MAS1: variants seen among roughly 807,000 people sequenced by gnomAD.
MAS1 encodes proto-oncogene Mas.
For synonymous variants in MAS1, 163 were observed against 164.2 expected, an observed-to-expected ratio of 0.99 and a Z score of 0.05; for missense variants, 387 against 409.7, an observed-to-expected ratio of 0.94 and a Z score of 0.48.
chr6:159,893,916 T>C (rs1359263468), intron 1 of MAS1, among the ~76,000 whole-genome samples: 1 of 152,084 alleles, frequency 6.6e-6, no homozygotes, highest in Non-Finnish European at 1.5e-5. Flanking sequence ...TACAAGATTA[T>C]GGTAAAGTGT....
Position 159,913,464 on chromosome 6 carries a change from T to C in MAS1, c.*5531T>C, listed in dbSNP as rs1782987474. On this transcript the variant is annotated 3_prime_UTR_variant, in exon 3 of 3. Coordinates refer to ENST00000674077, the MANE Select transcript of MAS1 (RefSeq NM_002377.4). ...CTCCATGGGTTGATTGAGTTCAGTT[T>C]CTCATTTGGCGTCTCTTGTAGTTGT... The C allele has an allele frequency of 6.6e-6, 1 of 152,216 alleles. No homozygotes were observed. The highest frequency in any genetic ancestry group is 1.5e-5 in the Non-Finnish European group (1 of 68,038). 9.4% of individuals were successfully genotyped at this position (152,216 alleles called of 1,614,324 possible).
chr6:159,892,222 G>A (rs939285366), intron 1 of MAS1, among the ~76,000 whole-genome samples: 6 of 152,096 alleles, frequency 3.9e-5, no homozygotes, highest in East Asian at 1.9e-4. Flanking sequence ...CATTCCCATC[G>A]GAGCCCTTGC....
chr6:159,899,878 T>C (rs1236267444), intron 2 of MAS1, among the ~76,000 whole-genome samples: 1 of 151,972 alleles, frequency 6.6e-6, no homozygotes, highest in African/African-American at 2.4e-5. Context: ...AAACCCCGTC[T>C]CTACTAAAAA....
At chr6:159,889,590 G>T (rs1303927683), upstream of MAS1, among the ~76,000 whole-genome samples, 1 of 152,094 alleles carries the variant, frequency 6.6e-6, no homozygotes, top group African/African-American at 2.4e-5. Context: ...CTTCTTTTCT[G>T]CCTTGCAGTC....
rs748140047 is a variant in MAS1, at chr6:159,907,930, C to G, written c.975C>G (p.Val325=). The change falls in exon 3 of 3, where the codon GTC becomes GTG. Residue 325 remains valine, a synonymous_variant. Coordinates refer to ENST00000674077, the MANE Select transcript of MAS1 (RefSeq NM_002377.4). ...ATACGGTCACAGTTGAGACTGTCGT[C>G]TAAGAACTGTGAGGGAAGTTGTGGA... is the stretch of plus-strand genomic sequence containing the variant. ...NCNTVTVETV[V] 1 of 1,584,622 alleles carries G rather than the reference C, an allele frequency of 6.3e-7. No homozygotes were observed.
chr6:159,898,741 T>G (rs1782791153), intron 1 of MAS1, among the ~76,000 whole-genome samples: 1 of 95,520 alleles, frequency 1.0e-5, no homozygotes, highest in Admixed American at 1.2e-4. Flanking sequence ...TTCCTCCTCC[T>G]CCTCGTTCCT....
intron 1 of MAS1, among the ~76,000 whole-genome samples, chr6:159,894,701 GA>G (rs1378751529): frequency 6.6e-6 from 1 of 152,184 alleles, no homozygotes; most frequent in Non-Finnish European, 1.5e-5. Flanking sequence ...CTGCGCTGTT[GA>G]ATGCACTGGC....
At position 159,907,655 on chromosome 6, in the gene MAS1, A is replaced by G. The variant is rs368888097; in HGVS notation, c.700A>G (p.Ile234Val). 6.2e-7 allele frequency: 1 copy of G among 1,613,886 alleles called. No homozygotes were observed. Among genetic ancestry groups the G allele is most frequent in the Non-Finnish European group, 8.5e-7 (1 of 1,179,962 alleles). Reference protein sequence around the residue: ...SKLYIVIMVTIIIFLIFAMPM... With the variant: ...SKLYIVIMVTVIIFLIFAMPM... ...GCTTTACATAGTCATCATGGTCACC[A>G]TCATTATATTCCTCATCTTCGCTAT... is the stretch of plus-strand genomic sequence containing the variant. The change falls in exon 3 of 3, where the codon ATC (isoleucine) becomes GTC (valine). Residue 234 changes from isoleucine (I) to valine (V), a missense_variant. Physicochemically the swap from Ile to Val is conservative, Grantham distance 29 (BLOSUM62 3). Transcript: ENST00000674077.
At chr6:159,901,509 G>T (rs1021673187) in intron 2 of MAS1, among the ~76,000 whole-genome samples, 3 of 152,174 alleles carry the variant, frequency 2.0e-5, no homozygotes, top group Non-Finnish European at 4.4e-5. Context: ...TGAGAGGGGA[G>T]GATTGCTTGG....
At chr6:159,900,354 T>A (rs73588517) in intron 2 of MAS1, among the ~76,000 whole-genome samples, 3,541 of 151,546 alleles carry the variant, frequency 0.023, 128 homozygotes, top group African/African-American at 0.08. Flanking sequence ...ACCGACAGAG[T>A]TGAAGAATCC....
chr6:159,894,508 A>G (rs1327916346), intron 1 of MAS1, among the ~76,000 whole-genome samples: 1 of 152,076 alleles, frequency 6.6e-6, no homozygotes, highest in African/African-American at 2.4e-5. Flanking sequence ...AGGAGAAAGA[A>G]GAAGAACTGC....
Position 159,912,425 on chromosome 6 carries a change from A to G in MAS1, c.*4492A>G, listed in dbSNP as rs895789128. ...TGTGCTTTTTCTCATGGAGAGGAGC[A>G]GCACAAGACAAGACACCCAGCTGTT... On this transcript the variant is annotated 3_prime_UTR_variant, in exon 3 of 3. Transcript: ENST00000674077. 2 of 152,244 alleles carry G rather than the reference A, an allele frequency of 1.3e-5. No homozygotes were observed. The highest frequency in any genetic ancestry group is 4.8e-5 in the African/African-American group (2 of 41,466). The allele number at this position is 152,244 out of a possible 1,614,324, so 9.4% of individuals were successfully genotyped here.
In MAS1 at chr6:159,911,887, TCCCTGGCTAAGGTGATA is replaced by T. The variant is rs71689937; in HGVS notation, c.*3966_*3982del. On this transcript the variant is annotated 3_prime_UTR_variant, in exon 3 of 3. Transcript: ENST00000674077. ...GCTCAGGGGGAACTCACTATGCCCC[TCCCTGGCTAAGGTGATA>T]CCCTGGCTAAGATGCTCCAACCCCT... 0.12 allele frequency: 18,575 copies of T among 152,268 alleles called. 1,346 individuals are homozygous for T. The highest frequency in any genetic ancestry group is 0.21 in the African/African-American group (8,665 of 41,466). The allele number at this position is 152,268 out of a possible 1,614,324, so 9.4% of individuals were successfully genotyped here. A position where few individuals can be genotyped will look rare whatever the true frequency, so the allele number is the denominator to read the frequency against.
intron 2 of MAS1, among the ~76,000 whole-genome samples, chr6:159,903,040 A>C (rs73015633): frequency 0.12 from 17,580 of 151,242 alleles, 1,149 homozygotes; most frequent in African/African-American, 0.19. Context: ...TGATAACCCC[A>C]AAACTACACT....
rs374655436 is a variant in MAS1, at chr6:159,892,284, G to GCA, written c.-244+1162_-244+1163dup. Among the ~76,000 whole-genome samples, 43 of 152,018 alleles carry GCA rather than the reference G, an allele frequency of 2.8e-4. 1 individual carries two copies. Among genetic ancestry groups the GCA allele is most frequent in the African/African-American group, 2.4e-5 (1 of 41,372 alleles). On this transcript the variant is annotated intron_variant, in intron 1 of 2. Coordinates refer to ENST00000674077, the MANE Select transcript of MAS1 (RefSeq NM_002377.4). ...TGGGTTTCTGTTTGTCCAGGTGACT[G>GCA]CACACACACACAGGGAAGAATTTGC...
Position 159,910,012 on chromosome 6 carries a change from T to C in MAS1, c.*2079T>C, listed in dbSNP as rs1233237847. ...CCCCAAACCCATTCCCAAAGTGAAC[T>C]GTAAGGTTAAAACTATAACAAGAAG... On this transcript the variant is annotated 3_prime_UTR_variant, in exon 3 of 3. Coordinates refer to ENST00000674077, the MANE Select transcript of MAS1 (RefSeq NM_002377.4). 6.6e-6 allele frequency: 1 copy of C among 152,226 alleles called. No individual in the cohort carries two copies. Among genetic ancestry groups the C allele is most frequent in the Non-Finnish European group, 1.5e-5 (1 of 68,038 alleles). The allele number at this position is 152,226 out of a possible 1,614,324, so 9.4% of individuals were successfully genotyped here.
intron 1 of MAS1, among the ~76,000 whole-genome samples, chr6:159,892,081 G>A (rs979368831): frequency 2.0e-5 from 3 of 152,104 alleles, no homozygotes; most frequent in Admixed American, 6.6e-5. Context: ...TTTTAGACCA[G>A]GGCTCTAAAT....
chr6:159,892,894 A>G (rs1465143533), intron 1 of MAS1, among the ~76,000 whole-genome samples: 1 of 152,172 alleles, frequency 6.6e-6, no homozygotes, highest in Non-Finnish European at 1.5e-5. Context: ...CAGCCTTTCA[A>G]ACTACATTAA....
At chr6:159,894,879 A>G (rs1782738503) in intron 1 of MAS1, among the ~76,000 whole-genome samples, 1 of 152,248 alleles carries the variant, frequency 6.6e-6, no homozygotes, top group African/African-American at 2.4e-5. Flanking sequence ...AAGTGAAAAC[A>G]GAGACAATAT....
Sources: gnomAD v4.1 joint callset for allele counts (sites outside exome capture counted in the v4.1 genomes callset) on GRCh38, gnomAD v4.1.1 for gene constraint, MANE v1.5 for transcripts, NCBI Gene and HGNC (gene_info 2026-07-23, HGNC 2026-07-21) for gene names.